Variants in PCBP3 observed in about 807,000 individuals in gnomAD.
PCBP3 encodes the protein poly(rC) binding protein 3.
PCBP3 carries 25 observed loss-of-function variants against 52.7 expected under a neutral mutation model. The observed-to-expected ratio is 0.47, with a 90% confidence interval of 0.35 to 0.66. PCBP3 has a LOEUF of 0.66. PCBP3 is among the 30% of genes least tolerant of loss of function. PCBP3 has a pLI of 0.01. For missense variants in PCBP3, 391 were observed against 490.3 expected (o/e 0.80, Z 1.91); for synonymous variants, 162 against 183.0 (o/e 0.89, Z 0.93).
In PCBP3 at chr21:45,941,734, AC is replaced by A; in HGVS notation, c.*31del. 1 of 1,591,064 alleles carries A rather than the reference AC, an allele frequency of 6.3e-7. No homozygotes were observed. The highest frequency in any genetic ancestry group is 8.6e-7 in the Non-Finnish European group (1 of 1,167,550). ...CTACCCAGCACCCTTCCCCCGCGTC[AC>A]CCACCTGCCAGAGCCTAAGGCCCCC... On this transcript the variant is annotated 3_prime_UTR_variant, in exon 18 of 18. Coordinates refer to ENST00000681687, the MANE Select transcript of PCBP3 (RefSeq NM_001384156.1).
chr21:45,820,309 G>A lies in PCBP3; in HGVS notation c.-125-29652G>A, dbSNP rs553983801. Among the ~76,000 whole-genome samples, 18 of 152,392 alleles carry A rather than the reference G, an allele frequency of 1.2e-4. No homozygotes were observed. In the East Asian group the frequency reaches 3.1e-3, roughly 26 times the overall value. ...GCACACCTTTGCTGCCTGTGAGGTC[G>A]TTGCGCCTACCTGGCCCCATGGGCC... On this transcript the variant is annotated intron_variant, in intron 4 of 17. Coordinates refer to ENST00000681687, the MANE Select transcript of PCBP3 (RefSeq NM_001384156.1).
At position 45,844,311 on chromosome 21, in the gene PCBP3, G is replaced by A. The variant is rs114860708; in HGVS notation, c.-125-5650G>A. On this transcript the variant is annotated intron_variant, in intron 4 of 17. Coordinates refer to ENST00000681687, the MANE Select transcript of PCBP3 (RefSeq NM_001384156.1). ...TGCATGGAGCATAGACACGTTGGGT[G>A]GGAGGTGCCCCAGCACCTAAGGACT... Among the ~76,000 whole-genome samples the A allele has an allele frequency of 5.3e-3, 809 of 152,196 alleles. 4 individuals are homozygous for A. The highest frequency in any genetic ancestry group is 0.018 in the African/African-American group (757 of 41,532).
intron 4 of PCBP3, among the ~76,000 whole-genome samples, chr21:45,793,138 G>A (rs376884631): frequency 2.6e-5 from 4 of 152,300 alleles, no homozygotes; most frequent in East Asian, 3.9e-4. Context: ...GAAAGAAGAC[G>A]TGGGGCCGCC....
chr21:45,781,025 G>A (rs1429344410), intron 4 of PCBP3, among the ~76,000 whole-genome samples: 2 of 152,268 alleles, frequency 1.3e-5, no homozygotes, highest in South Asian at 4.1e-4. Context: ...TGTCCCACAG[G>A]AAGGTGATCA....
chr21:45,742,684 T>G (rs1673187144), intron 3 of PCBP3, among the ~76,000 whole-genome samples: 1 of 152,242 alleles, frequency 6.6e-6, no homozygotes. Context: ...CACCATTTAT[T>G]CAAAATACTT....
At chr21:45,874,638 C>A (rs2095178935) in intron 5 of PCBP3, among the ~76,000 whole-genome samples, 1 of 151,962 alleles carries the variant, frequency 6.6e-6, no homozygotes, top group Non-Finnish European at 1.5e-5. Flanking sequence ...CCCGGAGTAG[C>A]TGGGATTACA....
rs1958161293 is a variant in PCBP3 at position 45,769,826 on chromosome 21, G to A, written c.-126+14374G>A. On this transcript the variant is annotated intron_variant, in intron 4 of 17. Coordinates refer to ENST00000681687, the MANE Select transcript of PCBP3 (RefSeq NM_001384156.1). ...GTTTCACAAGTGATAGAAATGTGAC[G>A]TGACATATTTCAGAGAAAGCTTAAC... Among the ~76,000 whole-genome samples the A allele has an allele frequency of 4.6e-5, 7 of 152,358 alleles. No individual in the cohort carries two copies. In the South Asian group the frequency reaches 1.4e-3, roughly 32 times the overall value.
intron 17 of PCBP3, among the ~76,000 whole-genome samples, chr21:45,940,596 G>A (rs533828746): frequency 2.9e-4 from 44 of 152,278 alleles, no homozygotes; most frequent in African/African-American, 9.9e-4. Context: ...TCATGGAAAC[G>A]TGTAGGGACG....
chr21:45,879,043 T>C (rs1330633937), intron 5 of PCBP3, among the ~76,000 whole-genome samples: 2 of 152,178 alleles, frequency 1.3e-5, no homozygotes, highest in Non-Finnish European at 2.9e-5. Flanking sequence ...TGGAGTGCAG[T>C]GGTGCAATCT....
At chr21:45,908,643 T>C (rs2096265633) in intron 9 of PCBP3, among the ~76,000 whole-genome samples, 1 of 150,790 alleles carries the variant, frequency 6.6e-6, no homozygotes, top group African/African-American at 2.5e-5. Flanking sequence ...AGCTGCCCTG[T>C]CACTGCCTCT....
chr21:45,790,082 G>A (rs2091437679), intron 4 of PCBP3, among the ~76,000 whole-genome samples: 1 of 152,176 alleles, frequency 6.6e-6, no homozygotes, highest in African/African-American at 2.4e-5. Context: ...GGAGCTTGCA[G>A]TGAGCCGAGA....
intron 2 of PCBP3, among the ~76,000 whole-genome samples, chr21:45,703,025 C>G (rs550497222): frequency 6.6e-6 from 1 of 152,204 alleles, no homozygotes; most frequent in Non-Finnish European, 1.5e-5. Context: ...AACTCCTTAT[C>G]CATTCAAGTT....
chr21:45,785,735 G>C (rs977992002), intron 4 of PCBP3, among the ~76,000 whole-genome samples: 2 of 152,092 alleles, frequency 1.3e-5, no homozygotes, highest in Admixed American at 1.3e-4. Flanking sequence ...GATGGTTGCC[G>C]TGTCTGTGTA....
intron 4 of PCBP3, among the ~76,000 whole-genome samples, chr21:45,780,915 C>T (rs530938616): frequency 3.1e-4 from 47 of 152,268 alleles, no homozygotes; most frequent in Non-Finnish European, 6.2e-4. Context: ...GCCACAAGCT[C>T]CGTGGGATCA....
At chr21:45,658,598 C>A (rs1020696739) in intron 1 of PCBP3, among the ~76,000 whole-genome samples, 1 of 152,200 alleles carries the variant, frequency 6.6e-6, no homozygotes, top group Non-Finnish European at 1.5e-5. Context: ...GCCGCCACAC[C>A]CAGCCTTGTT....
chr21:45,802,792 G>T lies in PCBP3; in HGVS notation c.-125-47169G>T, dbSNP rs548084814. On this transcript the variant is annotated intron_variant, in intron 4 of 17. Transcript: ENST00000681687. This position sits in a 1 kb window ranked among gnomAD's most constrained non-coding sequence, Gnocchi z 5.1. Reference sequence around the variant, plus strand: ...GCTGGGAGGAGGCAGGGATGGGAAGGGTCCCCGAGGGCCCTGAGCAGGGCT... The same window carrying T: ...GCTGGGAGGAGGCAGGGATGGGAAGTGTCCCCGAGGGCCCTGAGCAGGGCT... 1.3e-5 allele frequency among the ~76,000 whole-genome samples: 2 copies of T among 152,158 alleles called. No individual in the cohort carries two copies. The highest frequency in any genetic ancestry group is 2.4e-5 in the African/African-American group (1 of 41,450).
chr21:45,767,085 C>T lies in PCBP3; in HGVS notation c.-126+11633C>T, dbSNP rs374848917. Among the ~76,000 whole-genome samples the T allele has an allele frequency of 7.4e-4, 112 of 152,228 alleles. 3 individuals are homozygous for T. The South Asian group carries it at 0.02, about 28-fold the overall frequency. ...ATAATTCACATAACATAAACTGTGC[C>T]GTTTTCAAGTGTATAAGTCAGTGGC... On this transcript the variant is annotated intron_variant, in intron 4 of 17. Transcript: ENST00000681687.
chr21:45,644,116 C>T (rs2079096174), intron 1 of PCBP3, among the ~76,000 whole-genome samples: 1 of 151,410 alleles, frequency 6.6e-6, no homozygotes, highest in African/African-American at 2.4e-5. Context: ...CCGCCCGCCT[C>T]CGCCCCCTCC....
intron 2 of PCBP3, among the ~76,000 whole-genome samples, chr21:45,696,539 T>A (rs1418214558): frequency 1.3e-5 from 2 of 152,134 alleles, no homozygotes; most frequent in African/African-American, 2.4e-5. Context: ...ATGCCTGTAA[T>A]CCCAGCACTT....
Sources: gnomAD v4.1 joint callset for allele counts (sites outside exome capture counted in the v4.1 genomes callset) on GRCh38, gnomAD v4.1.1 for gene constraint, Gnocchi (gnomAD v3.1) non-coding constraint, MANE v1.5 for transcripts, NCBI Gene and HGNC (gene_info 2026-07-23, HGNC 2026-07-21) for gene names.